Variants in KHDRBS2 observed in about 807,000 individuals in gnomAD.
KHDRBS2 encodes KH RNA binding domain containing, signal transduction associated 2.
Under a neutral mutation model 44.3 loss-of-function variants are expected in KHDRBS2, and 26 were observed. The observed-to-expected ratio is 0.59, with a 90% confidence interval of 0.43 to 0.81. The LOEUF is 0.81. Among genes scored for constraint, KHDRBS2 ranks in the 40% least tolerant of loss-of-function variants. The probability of loss-of-function intolerance (pLI) is 0.00; values close to 1 mark genes in which losing one functional copy is unlikely to be tolerated. For synonymous variants in KHDRBS2, 194 were observed against 151.1 expected, an observed-to-expected ratio of 1.28 and a Z score of -2.08; for missense variants, 476 against 433.1, an observed-to-expected ratio of 1.10 and a Z score of -0.88.
chr6:61,625,523 C>A, the KHDRBS2 span, among the ~76,000 whole-genome samples: 5 of 151,936 alleles, frequency 3.3e-5, no homozygotes, highest in Non-Finnish European at 7.4e-5. Flanking sequence ...TCTTCCTGGG[C>A]TGTCCCTAGC....
chr6:61,574,304 T>A, the KHDRBS2 span: 1 of 1,507,818 alleles, frequency 6.6e-7, no homozygotes, highest in South Asian at 1.2e-5. Context: ...TGATCACTTG[T>A]TCCTTAAATA....
chr6:61,732,676 C>G lies in KHDRBS2; in HGVS notation c.893+6G>C. ...AGAAGGCTGCTTTAGATAGCAAATG[C>G]CTTACCTTTGTGTTTGGGTCGCATA... is the stretch of plus-strand genomic sequence containing the variant. On this transcript the variant is annotated splice_donor_region_variant and intron_variant, in intron 7 of 8. Coordinates refer to ENST00000281156, the MANE Select transcript of KHDRBS2 (RefSeq NM_152688.4). The G allele has an allele frequency of 6.3e-7, 1 of 1,575,476 alleles. No individual in the cohort carries two copies. Among genetic ancestry groups the G allele is most frequent in the Non-Finnish European group, 8.7e-7 (1 of 1,145,648 alleles).
intron 5 of KHDRBS2, among the ~76,000 whole-genome samples, chr6:61,898,737 A>T (rs1312897769): frequency 1.3e-5 from 2 of 151,948 alleles, no homozygotes; most frequent in Non-Finnish European, 2.9e-5. Flanking sequence ...TTTCATGCAC[A>T]AAAGGGTTCA....
intron 3 of KHDRBS2, among the ~76,000 whole-genome samples, chr6:62,025,485 TA>T (rs1280980639): frequency 6.6e-6 from 1 of 151,894 alleles, no homozygotes; most frequent in African/African-American, 2.4e-5. Context: ...ATGTACATTT[TA>T]AAAAAGTGTA....
intron 6 of KHDRBS2, among the ~76,000 whole-genome samples, chr6:61,856,101 G>A: frequency 6.6e-6 from 1 of 151,966 alleles, no homozygotes; most frequent in East Asian, 1.9e-4. Flanking sequence ...GTTATGTATA[G>A]TTTTCATACA....
intron 4 of KHDRBS2, among the ~76,000 whole-genome samples, chr6:61,975,374 T>C (rs777735649): frequency 6.6e-6 from 1 of 152,128 alleles, no homozygotes; most frequent in Non-Finnish European, 1.5e-5. Context: ...TTTGCAAATG[T>C]TAATGTATAG....
rs1826042191 is a variant in KHDRBS2 at position 62,197,983 on chromosome 6, G to A, written c.92-20671C>T. On this transcript the variant is annotated intron_variant, in intron 1 of 8. Coordinates refer to ENST00000281156, the MANE Select transcript of KHDRBS2 (RefSeq NM_152688.4). The stretch of plus-strand genomic sequence containing the variant: ...GAAATTGAACAACCTGCTCCTGAAT[G>A]ACTACTGGGTAAAAAACGAAATAAA... Among the ~76,000 whole-genome samples the A allele has an allele frequency of 3.3e-5, 5 of 152,088 alleles. No homozygotes were observed. The South Asian group carries it at 1.0e-3, about 32-fold the overall frequency.
At chr6:62,237,590 T>TAAA (rs2150164093) in intron 1 of KHDRBS2, among the ~76,000 whole-genome samples, 1 of 152,244 alleles carries the variant, frequency 6.6e-6, no homozygotes, top group South Asian at 2.1e-4. Context: ...TGCCTAAGAA[T>TAAA]AAAAGTATTA....
chr6:62,218,319 A>G (rs1047377400), intron 1 of KHDRBS2, among the ~76,000 whole-genome samples: 5 of 151,880 alleles, frequency 3.3e-5, no homozygotes, highest in African/African-American at 1.2e-4. Context: ...GCAAAAGAAT[A>G]TCCCCTTTAG....
At chr6:62,208,824 G>C (rs1347691782) in intron 1 of KHDRBS2, among the ~76,000 whole-genome samples, 2 of 152,112 alleles carry the variant, frequency 1.3e-5, no homozygotes, top group African/African-American at 4.8e-5. Flanking sequence ...GCATTTCTCT[G>C]ATGATTAGTG....
chr6:61,740,272 T>C (rs1024348834), intron 6 of KHDRBS2, among the ~76,000 whole-genome samples: 5 of 151,924 alleles, frequency 3.3e-5, no homozygotes, highest in Non-Finnish European at 5.9e-5. Context: ...GCACCAAGTG[T>C]GAATGCATGG....
chr6:62,246,102 T>TTTTATA (rs1434888553), intron 1 of KHDRBS2, among the ~76,000 whole-genome samples: 118 of 124,326 alleles, frequency 9.5e-4, no homozygotes, highest in African/African-American at 3.1e-3. Flanking sequence ...TCAATCAATT[T>TTTTATA]TATATATATA....
At chr6:61,647,868 A>C in the KHDRBS2 span, among the ~76,000 whole-genome samples, 1 of 152,152 alleles carries the variant, frequency 6.6e-6, no homozygotes, top group Admixed American at 6.6e-5. Flanking sequence ...TGTAGAGGTC[A>C]CAGACTTCAC....
chr6:62,055,437 A>G (rs1265347514), intron 2 of KHDRBS2, among the ~76,000 whole-genome samples: 2 of 152,060 alleles, frequency 1.3e-5, no homozygotes, highest in Admixed American at 1.3e-4. Flanking sequence ...GACATCAAGC[A>G]TTGGCCAGAG....
At chr6:62,119,155 A>G (rs937333014) in intron 2 of KHDRBS2, among the ~76,000 whole-genome samples, 1 of 151,978 alleles carries the variant, frequency 6.6e-6, no homozygotes, top group Non-Finnish European at 1.5e-5. Context: ...AATGCTAAGG[A>G]CTCTACTTCT....
At chr6:61,610,241 C>T in the KHDRBS2 span, among the ~76,000 whole-genome samples, 1 of 151,860 alleles carries the variant, frequency 6.6e-6, no homozygotes, top group East Asian at 1.9e-4. Flanking sequence ...CTATATTTTC[C>T]TATTAGGAAA....
the KHDRBS2 span, among the ~76,000 whole-genome samples, chr6:61,587,363 A>ATCTCTCTC: frequency 6.5e-3 from 967 of 149,688 alleles, 5 homozygotes; most frequent in Non-Finnish European, 0.011. Flanking sequence ...GCTTTTTTTT[A>ATCTCTCTC]TCTCTCTCTC....
At chr6:62,140,111 T>G (rs1183378744) in intron 2 of KHDRBS2, among the ~76,000 whole-genome samples, 2 of 152,228 alleles carry the variant, frequency 1.3e-5, no homozygotes, top group African/African-American at 4.8e-5. Context: ...CCTTCCATAT[T>G]TTGCTTAAGC....
the KHDRBS2 span, among the ~76,000 whole-genome samples, chr6:61,587,365 C>A: frequency 6.7e-6 from 1 of 149,202 alleles, no homozygotes; most frequent in Non-Finnish European, 1.5e-5. Flanking sequence ...TTTTTTTTAT[C>A]TCTCTCTCTC....
Sources: gnomAD v4.1 joint callset for allele counts (sites outside exome capture counted in the v4.1 genomes callset) on GRCh38, gnomAD v4.1.1 for gene constraint, MANE v1.5 for transcripts, NCBI Gene and HGNC (gene_info 2026-07-23, HGNC 2026-07-21) for gene names.